GALC: variants seen among roughly 807,000 people sequenced by gnomAD.
GALC encodes the protein galactosylceramidase.
GALC carries 77 observed loss-of-function variants against 91.8 expected under a neutral mutation model. That is an observed-to-expected ratio of 0.84 (90% confidence interval 0.70 to 1.01). The LOEUF (loss-of-function observed/expected upper bound fraction) is 1.01, where lower values mean the gene tolerates loss of function less well. GALC is among the 50% of genes least tolerant of loss of function. The pLI, the probability that GALC is intolerant of heterozygous loss-of-function variation, is 0.00. For missense variants in GALC, 882 were observed against 855.9 expected (o/e 1.03, Z -0.38); for synonymous variants, 357 against 306.7 (o/e 1.16, Z -1.71).
upstream of GALC, chr14:87,993,344 C>G (rs778333778): frequency 2.6e-6 from 4 of 1,535,488 alleles, no homozygotes; most frequent in African/African-American, 1.4e-5. Flanking sequence ...TTATCGCTCG[C>G]GTGTCTGTGG....
At chr14:87,950,002 T>TA (rs1311973574) in intron 11 of GALC, 71 bp from the exon 12 acceptor site, 6 of 793,464 alleles carry the variant, frequency 7.6e-6, no homozygotes, top group Non-Finnish European at 1.4e-5. Context: ...CCAAAATCAG[T>TA]ACCAGCAAGA....
intron 16 of GALC, among the ~76,000 whole-genome samples, chr14:87,936,794 T>C (rs886728844): frequency 6.0e-5 from 9 of 150,836 alleles, no homozygotes; most frequent in African/African-American, 2.2e-4. Flanking sequence ...AGTCTCAGCA[T>C]GTGTTAGTGA....
intron 1 of GALC, among the ~76,000 whole-genome samples, chr14:87,990,141 C>T (rs1043632430): frequency 3.3e-5 from 5 of 152,124 alleles, no homozygotes; most frequent in South Asian, 2.1e-4. Flanking sequence ...CTTTGAACCC[C>T]GGCACTCCTT....
At position 87,934,094 on chromosome 14, in the gene GALC, A is replaced by G; in HGVS notation, c.*638T>C. The G allele has an allele frequency of 2.6e-6, 4 of 1,520,962 alleles. No homozygotes were observed. In the South Asian group the frequency reaches 4.8e-5, roughly 18 times the overall value. 94.2% of individuals were successfully genotyped at this position (1,520,962 alleles called of 1,614,324 possible). ...TGCAAATAACCCAATTAATCTGCTA[A>G]TATCTATTACTGCAGAAATAGTGTT... On this transcript the variant is annotated 3_prime_UTR_variant, in exon 17 of 17. Transcript: ENST00000261304.
intron 10 of GALC, among the ~76,000 whole-genome samples, chr14:87,960,551 T>A (rs940522435): frequency 6.6e-6 from 1 of 152,160 alleles, no homozygotes; most frequent in African/African-American, 2.4e-5. Flanking sequence ...AAAGTTGAAA[T>A]ACTCACATTT....
chr14:87,982,156 A>G, intron 6 of GALC, 49 bp downstream of exon 6: 1 of 1,004,238 alleles, frequency 1.0e-6, no homozygotes, highest in Non-Finnish European at 1.6e-6. Flanking sequence ...ACCATAAGGA[A>G]TTATTCACTA....
intron 1 of GALC, chr14:87,992,742 C>G (rs1326168391): frequency 2.1e-6 from 3 of 1,420,772 alleles, no homozygotes; most frequent in Non-Finnish European, 9.2e-7. Context: ...CCTCCGGATC[C>G]TCATTTGTTC....
Position 87,977,830 on chromosome 14 carries a change from T to C in GALC, c.622-1342A>G, listed in dbSNP as rs72629380. ...GGTATACTTTTCAACAGACAGTTTC[T>C]TAAAATAGATATATTATAGGATTTT... On this transcript the variant is annotated intron_variant, in intron 6 of 16. Coordinates refer to ENST00000261304, the MANE Select transcript of GALC (RefSeq NM_000153.4). Among the ~76,000 whole-genome samples, 1,232 of 152,334 alleles carry C rather than the reference T, an allele frequency of 8.1e-3. 53 individuals carry two copies. The East Asian group carries it at 0.12, about 15-fold the overall frequency.
At position 87,981,365 on chromosome 14, in the gene GALC, C is replaced by T. The variant is rs190877568; in HGVS notation, c.621+840G>A. 3.6e-3 allele frequency: 583 copies of T among 161,078 alleles called. 4 individuals carry two copies. The highest frequency in any genetic ancestry group is 5.5e-3 in the Non-Finnish European group (411 of 74,696). 10.0% of individuals were successfully genotyped at this position (161,078 alleles called of 1,614,324 possible). A position where few individuals can be genotyped will look rare whatever the true frequency, so the allele number is the denominator to read the frequency against. On this transcript the variant is annotated intron_variant, in intron 6 of 16. Coordinates refer to ENST00000261304, the MANE Select transcript of GALC (RefSeq NM_000153.4). The stretch of plus-strand genomic sequence containing the variant: ...CAAATTTGGTTCAGTGTATACTGCT[C>T]CAGTGATGGGTGCACCAAAATCTCA...
intron 4 of GALC, among the ~76,000 whole-genome samples, chr14:87,984,984 T>A (rs989974157): frequency 6.6e-6 from 1 of 152,204 alleles, no homozygotes; most frequent in African/African-American, 2.4e-5. Flanking sequence ...CAATTGTACA[T>A]CTTCTTACAA....
intron 10 of GALC, chr14:87,954,439 A>G: frequency 6.3e-7 from 1 of 1,591,010 alleles, no homozygotes; most frequent in Non-Finnish European, 8.6e-7. Context: ...CTCAACTGCA[A>G]AGGAAAAAAG....
At position 87,934,336 on chromosome 14, in the gene GALC, C is replaced by G; in HGVS notation, c.*396G>C. 7.9e-7 allele frequency: 1 copy of G among 1,270,168 alleles called. No homozygotes were observed. The highest frequency in any genetic ancestry group is 1.0e-6 in the Non-Finnish European group (1 of 1,000,032). The allele number at this position is 1,270,168 out of a possible 1,614,324, so 78.7% of individuals were successfully genotyped here. On this transcript the variant is annotated 3_prime_UTR_variant, in exon 17 of 17. Transcript: ENST00000261304. ...GAAGACACTGGCTCACTTGGACACA[C>G]GGTCAGCATGCATAAATACATCTCA... is the stretch of plus-strand genomic sequence containing the variant.
chr14:87,992,957 G>C lies in GALC; in HGVS notation c.195+13C>G, dbSNP rs370938808. The C allele has an allele frequency of 6.6e-7, 1 of 1,512,010 alleles. No individual in the cohort carries two copies. Among genetic ancestry groups the C allele is most frequent in the Middle Eastern group, 2.3e-4 (1 of 4,268 alleles). 93.7% of individuals were successfully genotyped at this position (1,512,010 alleles called of 1,614,324 possible). On this transcript the variant is annotated intron_variant, in intron 1 of 16. Coordinates refer to ENST00000261304, the MANE Select transcript of GALC (RefSeq NM_000153.4). ...TTGCCGCCCCCCGCGTATCCCCGCA[G>C]CTTGCCGCTCACCCCGCCGCCGCTG...
intron 5 of GALC, among the ~76,000 whole-genome samples, chr14:87,984,127 G>T (rs1354720626): frequency 8.6e-6 from 1 of 116,934 alleles, no homozygotes; most frequent in Non-Finnish European, 1.7e-5. Flanking sequence ...ATTTGAGTTG[G>T]GTTGATACAA....
chr14:87,953,036 TA>T, intron 10 of GALC: 1 of 1,322,954 alleles, frequency 7.6e-7, no homozygotes, highest in South Asian at 1.2e-5. Context: ...TTTGTAGTAC[TA>T]AACAAATTAA....
At chr14:87,983,091 G>A (rs1886814209) in intron 5 of GALC, among the ~76,000 whole-genome samples, 1 of 152,124 alleles carries the variant, frequency 6.6e-6, no homozygotes, top group South Asian at 2.1e-4. Flanking sequence ...TGTAATCCCA[G>A]CACTTTGGGA....
chr14:87,949,831 T>G lies in GALC; in HGVS notation c.1338+14A>C, dbSNP rs748812748. The G allele has an allele frequency of 2.9e-6, 4 of 1,399,678 alleles. No individual in the cohort carries two copies. Among genetic ancestry groups the G allele is most frequent in the Non-Finnish European group, 4.1e-6 (4 of 986,598 alleles). 86.7% of individuals were successfully genotyped at this position (1,399,678 alleles called of 1,614,324 possible). A position where few individuals can be genotyped will look rare whatever the true frequency, so the allele number is the denominator to read the frequency against. Reference sequence around the variant, plus strand: ...TTGGAATACCCAAAATATAAGAATTTACTTTAAAATTACCCATAGAGAATC... The same window carrying G: ...TTGGAATACCCAAAATATAAGAATTGACTTTAAAATTACCCATAGAGAATC... On this transcript the variant is annotated intron_variant, in intron 12 of 16. Transcript: ENST00000261304.
intron 5 of GALC, 89 bp from the exon 6 acceptor site, chr14:87,982,332 T>A (rs1886785608): frequency 2.3e-6 from 2 of 863,446 alleles, no homozygotes; most frequent in East Asian, 5.0e-5. Context: ...TCTCTCATCA[T>A]CTTTCATATT....
At position 87,971,569 on chromosome 14, in the gene GALC, A is replaced by G. The variant is rs538111265; in HGVS notation, c.753-3079T>C. Among the ~76,000 whole-genome samples the G allele has an allele frequency of 1.9e-4, 29 of 152,382 alleles. 1 individual carries two copies. In the East Asian group the frequency reaches 2.5e-3, roughly 13 times the overall value. ...ATGGAAAAAATTTAATTGAATTTAC[A>G]AAGCAGAAAAACATGGAGAACATAA... On this transcript the variant is annotated intron_variant, in intron 7 of 16. Transcript: ENST00000261304.
Sources: gnomAD v4.1 joint callset for allele counts (sites outside exome capture counted in the v4.1 genomes callset) on GRCh38, gnomAD v4.1.1 for gene constraint, MANE v1.5 for transcripts, NCBI Gene and HGNC (gene_info 2026-07-23, HGNC 2026-07-21) for gene names.